PEAK1: variants seen among roughly 807,000 people sequenced by gnomAD.
PEAK1 encodes the protein inactive tyrosine-protein kinase PEAK1.
PEAK1 carries 54 observed loss-of-function variants against 124.7 expected under a neutral mutation model. The ratio of observed to expected loss-of-function variants is 0.43; its 90% CI spans 0.35 to 0.54. PEAK1 has a LOEUF of 0.54. PEAK1 is among the 20% of genes least tolerant of loss of function. The pLI is 0.01. For missense variants in PEAK1, 2,046 were observed against 2,134.5 expected (o/e 0.96, Z 0.82); for synonymous variants, 719 against 760.0 (o/e 0.95, Z 0.89).
chr15:77,178,664 G>T, intron 7 of PEAK1, 126 bp downstream of exon 7: 1 of 884,062 alleles, frequency 1.1e-6, no homozygotes, highest in Non-Finnish European at 1.7e-6. Context: ...TATAAAGATA[G>T]ATGATGGCCA....
At chr15:77,285,517 T>C (rs151244281) in intron 3 of PEAK1, among the ~76,000 whole-genome samples, 1 of 152,330 alleles carries the variant, frequency 6.6e-6, no homozygotes, top group Admixed American at 6.5e-5. Flanking sequence ...CATTGTGACA[T>C]AATGGAAGGC....
chr15:77,228,514 G>T (rs986551567), intron 6 of PEAK1, among the ~76,000 whole-genome samples: 6 of 152,128 alleles, frequency 3.9e-5, no homozygotes, highest in Non-Finnish European at 7.3e-5. Context: ...TCATCAAACA[G>T]ATGAAGATAT....
intron 5 of PEAK1, among the ~76,000 whole-genome samples, chr15:77,272,649 G>C (rs2062097800): frequency 6.6e-6 from 1 of 152,064 alleles, no homozygotes; most frequent in Non-Finnish European, 1.5e-5. Flanking sequence ...TCCAGGACTA[G>C]ATGGATTCAC....
rs1309382130 is a variant in PEAK1 at position 77,114,044 on chromosome 15, T to C, written c.*112A>G. ...AGACCCACTTGTTCACGGACAGGGA[T>C]AGAGGTTTGCCTTTCTTCTTTCCTT... On this transcript the variant is annotated 3_prime_UTR_variant, in exon 10 of 10. Coordinates refer to ENST00000682557, the MANE Select transcript of PEAK1 (RefSeq NM_001385026.1). 1.0e-5 allele frequency: 12 copies of C among 1,146,860 alleles called. No homozygotes were observed. Among genetic ancestry groups the C allele is most frequent in the African/African-American group, 4.6e-5 (3 of 64,978 alleles). 71.0% of individuals were successfully genotyped at this position (1,146,860 alleles called of 1,614,324 possible).
chr15:77,199,443 T>C (rs1265783848), intron 6 of PEAK1, among the ~76,000 whole-genome samples: 1 of 152,100 alleles, frequency 6.6e-6, no homozygotes, highest in East Asian at 1.9e-4. Context: ...ACTGCCAACA[T>C]TGTGAAAGAG....
chr15:77,417,703 C>G, intron 1 of PEAK1: 4 of 985,436 alleles, frequency 4.1e-6, no homozygotes, highest in Non-Finnish European at 4.8e-6. Flanking sequence ...GCCCAGCACC[C>G]GTTCCACTTA....
At chr15:77,223,442 C>A (rs2059478506) in intron 6 of PEAK1, among the ~76,000 whole-genome samples, 1 of 151,974 alleles carries the variant, frequency 6.6e-6, no homozygotes, top group South Asian at 2.1e-4. Flanking sequence ...CAAGAGCTGT[C>A]TTCATCAAAA....
chr15:77,347,537 A>T, intron 2 of PEAK1: 1 of 985,370 alleles, frequency 1.0e-6, no homozygotes, highest in Non-Finnish European at 1.2e-6. Flanking sequence ...AGCACTCATA[A>T]ATGAACTCCA....
rs35640042 is a variant in PEAK1, at chr15:77,342,405, CTTTT to C, written c.-603+22754_-603+22757del. On this transcript the variant is annotated intron_variant, in intron 2 of 9. Coordinates refer to ENST00000682557, the MANE Select transcript of PEAK1 (RefSeq NM_001385026.1). ...ATATAAGTAGAATCATACAGCATGT[CTTTT>C]TTTTTTTTTTTTTTTGAGACAGGTT... Among the ~76,000 whole-genome samples, 227 of 114,356 alleles carry C rather than the reference CTTTT, an allele frequency of 2.0e-3. 1 individual carries two copies. Among genetic ancestry groups the C allele is most frequent in the African/African-American group, 6.6e-3 (215 of 32,588 alleles). The allele number at this position is 114,356 out of a possible 152,430, so 75.0% of individuals were successfully genotyped here. A position where few individuals can be genotyped will look rare whatever the true frequency, so the allele number is the denominator to read the frequency against.
chr15:77,220,041 G>A (rs1378534495), intron 6 of PEAK1, among the ~76,000 whole-genome samples: 1 of 152,094 alleles, frequency 6.6e-6, no homozygotes, highest in Non-Finnish European at 1.5e-5. Flanking sequence ...ATTTACAGAT[G>A]TTAGCAATTT....
intron 2 of PEAK1, among the ~76,000 whole-genome samples, chr15:77,353,461 C>T (rs549219079): frequency 1.3e-5 from 2 of 152,216 alleles, no homozygotes; most frequent in Admixed American, 1.3e-4. Flanking sequence ...GAAGCTGGAC[C>T]CTGGCTTGAA....
chr15:77,405,154 C>T (rs561730958), intron 1 of PEAK1, among the ~76,000 whole-genome samples: 4 of 152,086 alleles, frequency 2.6e-5, no homozygotes, highest in East Asian at 1.9e-4. Flanking sequence ...TACAGGTGCA[C>T]GCCACCACAC....
At position 77,256,314 on chromosome 15, in the gene PEAK1, T is replaced by C. The variant is rs146563216; in HGVS notation, c.-274-3788A>G. On this transcript the variant is annotated intron_variant, in intron 5 of 9. Coordinates refer to ENST00000682557, the MANE Select transcript of PEAK1 (RefSeq NM_001385026.1). Reference sequence around the variant, plus strand: ...AGACACTATAAATGATTTCAAACCTTTGACACTATATAATCTTTCAAAGCC... The same window carrying C: ...AGACACTATAAATGATTTCAAACCTCTGACACTATATAATCTTTCAAAGCC... 1.4e-3 allele frequency among the ~76,000 whole-genome samples: 212 copies of C among 152,256 alleles called. 2 individuals carry two copies. The highest frequency in any genetic ancestry group is 4.7e-3 in the African/African-American group (197 of 41,560).
At chr15:77,137,399 AG>A (rs1422933548) in intron 8 of PEAK1, among the ~76,000 whole-genome samples, 10 of 152,214 alleles carry the variant, frequency 6.6e-5, no homozygotes, top group Non-Finnish European at 1.5e-4. Flanking sequence ...AGCCCCTCAA[AG>A]CAGCTGGGAG....
chr15:77,362,117 A>C (rs1473034990), intron 2 of PEAK1, among the ~76,000 whole-genome samples: 3 of 152,220 alleles, frequency 2.0e-5, no homozygotes, highest in African/African-American at 7.2e-5. Context: ...CAGTAAGATG[A>C]CCATAGTTAA....
Position 77,346,936 on chromosome 15 carries a change from G to A in PEAK1, c.-603+18227C>T, listed in dbSNP as rs77174353. ...TCTGGTACTAAGAGGAAAACAAAAC[G>A]CAGCCATGTAATAAAGTGAGTTGAG... On this transcript the variant is annotated intron_variant, in intron 2 of 9. Transcript: ENST00000682557. Among the ~76,000 whole-genome samples, 657 of 152,242 alleles carry A rather than the reference G, an allele frequency of 4.3e-3. 1 individual carries two copies. Among genetic ancestry groups the A allele is most frequent in the African/African-American group, 0.013 (558 of 41,552 alleles).
chr15:77,322,477 A>G (rs2065283608), intron 2 of PEAK1, among the ~76,000 whole-genome samples: 1 of 152,206 alleles, frequency 6.6e-6, no homozygotes, highest in African/African-American at 2.4e-5. Flanking sequence ...AATACAAACT[A>G]CCATCAGAGA....
intron 2 of PEAK1, among the ~76,000 whole-genome samples, chr15:77,315,608 G>A (rs548590126): frequency 4.2e-4 from 62 of 149,306 alleles, no homozygotes; most frequent in Admixed American, 1.5e-3. Flanking sequence ...ACAGAAACAC[G>A]GATGAGTAAA....
chr15:77,132,914 T>C (rs2052998107), intron 9 of PEAK1, 91 bp downstream of exon 9: 2 of 1,307,002 alleles, frequency 1.5e-6, no homozygotes, highest in Non-Finnish European at 2.1e-6. Context: ...AATGGAAGAA[T>C]GAAGGAAAGA....
Sources: allele counts gnomAD v4.1 joint callset (sites outside exome capture counted in the v4.1 genomes callset), GRCh38; gene constraint gnomAD v4.1.1; transcripts MANE v1.5; gene names NCBI Gene and HGNC (gene_info 2026-07-23, HGNC 2026-07-21).